DENND1A: variants seen among roughly 807,000 people sequenced by gnomAD.
DENND1A encodes the protein DENN domain containing 1A, also known as DENN domain-containing protein 1A.
Under a neutral mutation model 113.7 loss-of-function variants are expected in DENND1A, and 51 were observed. The ratio of observed to expected loss-of-function variants is 0.45; its 90% CI spans 0.36 to 0.57. DENND1A has a LOEUF of 0.57. Among genes scored for constraint, DENND1A ranks in the 20% least tolerant of loss-of-function variants. The pLI, the probability that DENND1A is intolerant of heterozygous loss-of-function variation, is 0.00. For synonymous variants in DENND1A, 565 were observed against 570.8 expected (o/e 0.99, Z 0.14); for missense variants, 1,258 against 1,395.9 (o/e 0.90, Z 1.57).
intron 2 of DENND1A, among the ~76,000 whole-genome samples, chr9:123,863,244 C>G (rs1845314202): frequency 6.6e-6 from 1 of 152,142 alleles, no homozygotes; most frequent in South Asian, 2.1e-4. Context: ...GACCAGAACA[C>G]AAAGTAGGAA....
intron 19 of DENND1A, among the ~76,000 whole-genome samples, chr9:123,432,981 G>A (rs1466554504): frequency 6.6e-6 from 1 of 152,202 alleles, no homozygotes; most frequent in Non-Finnish European, 1.5e-5. Flanking sequence ...GGGACTGCGC[G>A]CTCTGAGAGC....
chr9:123,665,733 A>G (rs1410482906), intron 8 of DENND1A, among the ~76,000 whole-genome samples: 1 of 152,208 alleles, frequency 6.6e-6, no homozygotes, highest in East Asian at 1.9e-4. Flanking sequence ...TCAAACAGGC[A>G]TTTGTACGCC....
At chr9:123,440,149 A>G in intron 19 of DENND1A, 1 of 511,562 alleles carries the variant, frequency 2.0e-6, no homozygotes, top group Non-Finnish European at 3.4e-6. Context: ...CTCATTTATG[A>G]CCTCAGCCGT....
intron 5 of DENND1A, among the ~76,000 whole-genome samples, chr9:123,712,924 G>C (rs1430399357): frequency 6.6e-6 from 1 of 152,180 alleles, no homozygotes; most frequent in African/African-American, 2.4e-5. Context: ...CAAAGCTCAG[G>C]TTGGACAAAG....
intron 13 of DENND1A, among the ~76,000 whole-genome samples, chr9:123,529,302 T>C (rs1476096285): frequency 6.6e-6 from 1 of 152,080 alleles, no homozygotes; most frequent in African/African-American, 2.4e-5. Flanking sequence ...AAAGAAACAA[T>C]CTGTGTGAGC....
chr9:123,463,006 A>C (rs887170142), intron 13 of DENND1A, among the ~76,000 whole-genome samples: 2 of 152,084 alleles, frequency 1.3e-5, no homozygotes, highest in African/African-American at 4.8e-5. Flanking sequence ...CCCCCACTCC[A>C]TTGTGCATGG....
At chr9:123,735,485 T>C (rs1407754922) in intron 5 of DENND1A, among the ~76,000 whole-genome samples, 2 of 152,212 alleles carry the variant, frequency 1.3e-5, no homozygotes, top group Non-Finnish European at 2.9e-5. Flanking sequence ...GACTTCCCGA[T>C]GCTCCCATGA....
At chr9:123,801,774 C>A (rs1834710763) in intron 2 of DENND1A, among the ~76,000 whole-genome samples, 1 of 152,102 alleles carries the variant, frequency 6.6e-6, no homozygotes, top group Admixed American at 6.6e-5. Flanking sequence ...ACATTAAGAC[C>A]AACCCAGCCA....
chr9:123,808,618 G>A (rs1373228112), intron 2 of DENND1A, among the ~76,000 whole-genome samples: 1 of 152,094 alleles, frequency 6.6e-6, no homozygotes, highest in Non-Finnish European at 1.5e-5. Context: ...CTGAGATCAA[G>A]CAATCCCCCT....
chr9:123,524,892 G>T (rs1181586792), intron 13 of DENND1A, among the ~76,000 whole-genome samples: 1 of 152,222 alleles, frequency 6.6e-6, no homozygotes, highest in Non-Finnish European at 1.5e-5. Flanking sequence ...CTTGCAGGAG[G>T]AGATGGGAAG....
intron 13 of DENND1A, among the ~76,000 whole-genome samples, chr9:123,490,504 G>T (rs2051273963): frequency 1.3e-5 from 2 of 151,966 alleles, no homozygotes; most frequent in South Asian, 4.2e-4. Flanking sequence ...CAGGAGAATC[G>T]CTTGAACCCA....
At chr9:123,844,260 G>C (rs1489872176) in intron 2 of DENND1A, among the ~76,000 whole-genome samples, 2 of 151,988 alleles carry the variant, frequency 1.3e-5, no homozygotes, top group African/African-American at 2.4e-5. Flanking sequence ...ATCAAGAATA[G>C]AAAGAAAGAA....
chr9:123,903,331 C>CAAA (rs869154918), intron 1 of DENND1A, among the ~76,000 whole-genome samples: 1,266 of 26,988 alleles, frequency 0.047, 120 homozygotes, highest in Non-Finnish European at 0.069. Context: ...GACTCCGTCT[C>CAAA]AAAAAAAAAA....
chr9:123,483,165 A>T (rs1289258792), intron 13 of DENND1A, among the ~76,000 whole-genome samples: 1 of 152,074 alleles, frequency 6.6e-6, no homozygotes, highest in African/African-American at 2.4e-5. Flanking sequence ...TAGCCGACTG[A>T]CCACCTCCCC....
At chr9:123,801,584 T>C (rs1018165641) in intron 2 of DENND1A, among the ~76,000 whole-genome samples, 4 of 152,230 alleles carry the variant, frequency 2.6e-5, no homozygotes, top group Admixed American at 2.0e-4. Flanking sequence ...GCTATGAACA[T>C]GCATGTGCAA....
chr9:123,654,211 G>A (rs2062817561), intron 8 of DENND1A, among the ~76,000 whole-genome samples: 1 of 152,076 alleles, frequency 6.6e-6, no homozygotes, highest in Admixed American at 6.5e-5. Flanking sequence ...AAAAATATGA[G>A]GCCCTTCACT....
intron 13 of DENND1A, among the ~76,000 whole-genome samples, chr9:123,481,681 G>A (rs1407636695): frequency 1.3e-5 from 2 of 152,132 alleles, no homozygotes; most frequent in African/African-American, 4.8e-5. Context: ...AAGACTTCCT[G>A]GAGGGGGAAC....
intron 5 of DENND1A, among the ~76,000 whole-genome samples, chr9:123,704,816 A>T (rs537253759): frequency 6.6e-6 from 1 of 152,234 alleles, no homozygotes; most frequent in Non-Finnish European, 1.5e-5. Flanking sequence ...AAATGAAAAG[A>T]TTAGACACGA....
chr9:123,767,313 T>C (rs1454588185), intron 4 of DENND1A, among the ~76,000 whole-genome samples: 3 of 151,964 alleles, frequency 2.0e-5, no homozygotes. Flanking sequence ...ACCCATAGGG[T>C]ATGTAATATA....
Sources: allele counts gnomAD v4.1 joint callset (sites outside exome capture counted in the v4.1 genomes callset), GRCh38; gene constraint gnomAD v4.1.1; transcripts MANE v1.5; gene names NCBI Gene and HGNC (gene_info 2026-07-23, HGNC 2026-07-21).